Variants in TACC2 observed in about 807,000 individuals in gnomAD.
The protein encoded by TACC2 is transforming acidic coiled-coil containing protein 2.
TACC2 carries 137 observed loss-of-function variants against 227.3 expected under a neutral mutation model. That is an observed-to-expected ratio of 0.60 (90% CI 0.52 to 0.69). The LOEUF (loss-of-function observed/expected upper bound fraction) is 0.69, where lower values mean the gene tolerates loss of function less well. Among genes scored for constraint, TACC2 ranks in the 30% least tolerant of loss-of-function variants. The pLI, the probability that TACC2 is intolerant of heterozygous loss-of-function variation, is 0.00. For synonymous variants in TACC2, 1,523 were observed against 1,487.5 expected, an observed-to-expected ratio of 1.02 and a Z score of -0.55; for missense variants, 3,470 against 3,694.4, an observed-to-expected ratio of 0.94 and a Z score of 1.57.
intron 5 of TACC2, among the ~76,000 whole-genome samples, chr10:122,092,965 G>A (rs767445354): frequency 6.6e-6 from 1 of 152,162 alleles, no homozygotes; most frequent in Non-Finnish European, 1.5e-5. Flanking sequence ...GTTAGTGGAA[G>A]GTCTAGAATT....
intron 11 of TACC2, 165 bp downstream of exon 11, chr10:122,216,993 A>G: frequency 7.1e-7 from 1 of 1,404,568 alleles, no homozygotes; most frequent in Non-Finnish European, 9.5e-7. Flanking sequence ...GCTGTGTTTG[A>G]AAACAGCCTG....
intron 20 of TACC2, 99 bp downstream of exon 20, chr10:122,248,902 C>T: frequency 1.3e-6 from 2 of 1,550,060 alleles, no homozygotes; most frequent in Non-Finnish European, 1.8e-6. Flanking sequence ...GGTCTTGAGC[C>T]ACCTGCGAGG....
intron 7 of TACC2, among the ~76,000 whole-genome samples, chr10:122,169,385 C>T (rs531963474): frequency 6.6e-6 from 1 of 152,168 alleles, no homozygotes; most frequent in Non-Finnish European, 1.5e-5. Flanking sequence ...ACTGAGTCCT[C>T]TGGATGGTTT....
chr10:122,249,589 G>GCAAGCCGCCCAC lies in TACC2; in HGVS notation c.8709_8720dup (p.Ala2905_Ala2908dup). 6.2e-7 allele frequency: 1 copy of GCAAGCCGCCCAC among 1,614,164 alleles called. No homozygotes were observed. The highest frequency in any genetic ancestry group is 8.5e-7 in the Non-Finnish European group (1 of 1,180,036). ...AGGTTCGAGGCAAGGCCCAGCAGGA[G>GCAAGCCGCCCAC]CAAGCCGCCCACCAGGCCAGCCTGC... is the stretch of plus-strand genomic sequence containing the variant. On this transcript the variant is annotated inframe_insertion, in exon 22 of 23. Transcript: ENST00000369005.
intron 7 of TACC2, among the ~76,000 whole-genome samples, chr10:122,190,813 G>C (rs979909357): frequency 4.6e-5 from 7 of 152,130 alleles, no homozygotes; most frequent in African/African-American, 1.7e-4. Flanking sequence ...CCCAGTGTCA[G>C]GTTTTTGAGT....
intron 2 of TACC2, among the ~76,000 whole-genome samples, chr10:122,038,810 GA>G (rs562786492): frequency 2.6e-5 from 4 of 151,664 alleles, no homozygotes; most frequent in South Asian, 2.1e-4. Context: ...AGAGAGAAAA[GA>G]AAAAAAATAA....
chr10:122,158,007 C>T (rs780106026), intron 7 of TACC2, among the ~76,000 whole-genome samples: 42 of 150,486 alleles, frequency 2.8e-4, no homozygotes, highest in Non-Finnish European at 5.6e-4. Context: ...GGGGACTGGC[C>T]TTCCTCCCTC....
chr10:122,151,121 C>G (rs959422096), intron 7 of TACC2, among the ~76,000 whole-genome samples: 1 of 152,160 alleles, frequency 6.6e-6, no homozygotes, highest in African/African-American at 2.4e-5. Flanking sequence ...ACATTCCCCC[C>G]ACTCCAACTC....
chr10:122,249,591 A>G lies in TACC2; in HGVS notation c.8708A>G (p.Gln2903Arg). The change falls in exon 22 of 23, where the codon CAA (glutamine) becomes CGA (arginine). Residue 2903 changes from glutamine (Q) to arginine (R), a missense_variant. Transcript: ENST00000369005. ...AQVRGKAQQE[Q>R]AAHQASLRKE... ...GTTCGAGGCAAGGCCCAGCAGGAGC[A>G]AGCCGCCCACCAGGCCAGCCTGCGG... 1 of 1,614,180 alleles carries G rather than the reference A, an allele frequency of 6.2e-7. No individual in the cohort carries two copies. The highest frequency in any genetic ancestry group is 8.5e-7 in the Non-Finnish European group (1 of 1,180,044).
At chr10:122,213,317 CT>C in intron 9 of TACC2, 1 of 1,609,566 alleles carries the variant, frequency 6.2e-7, no homozygotes, top group Non-Finnish European at 8.5e-7. Context: ...GTCTGTCTCT[CT>C]TTTTCTTTGT....
chr10:122,174,338 G>A (rs2093611339), intron 7 of TACC2, among the ~76,000 whole-genome samples: 1 of 152,206 alleles, frequency 6.6e-6, no homozygotes, highest in Non-Finnish European at 1.5e-5. Flanking sequence ...CAGAAAAATA[G>A]CTAGTGGGCA....
Position 122,093,388 on chromosome 10 carries a change from G to A in TACC2, c.5573+4797G>A, listed in dbSNP as rs866124955. Among the ~76,000 whole-genome samples the A allele has an allele frequency of 3.3e-5, 5 of 152,058 alleles. No individual in the cohort carries two copies. In the East Asian group the frequency reaches 7.7e-4, roughly 23 times the overall value. On this transcript the variant is annotated intron_variant, in intron 5 of 22. Transcript: ENST00000369005. ...TGTTTCTTCCTTTTCCCTCCACTCCGTTCTAAAATTACCAGCTGTGACACC... is the reference window on the plus strand; with the variant it reads ...TGTTTCTTCCTTTTCCCTCCACTCCATTCTAAAATTACCAGCTGTGACACC...
intron 1 of TACC2, among the ~76,000 whole-genome samples, chr10:122,002,700 T>C (rs1404285394): frequency 6.6e-6 from 1 of 152,218 alleles, no homozygotes; most frequent in African/African-American, 2.4e-5. Context: ...TTTAGTGGTG[T>C]CATTTCTGGC....
At chr10:122,080,097 G>A (rs1308800637) in intron 3 of TACC2, among the ~76,000 whole-genome samples, 2 of 152,154 alleles carry the variant, frequency 1.3e-5, no homozygotes, top group African/African-American at 4.8e-5. Context: ...CAGGGTGCTG[G>A]TGGAGTTGGT....
chr10:122,064,651 T>C (rs565747178), intron 3 of TACC2, among the ~76,000 whole-genome samples: 1 of 152,342 alleles, frequency 6.6e-6, no homozygotes, highest in South Asian at 2.1e-4. Context: ...TGTTGTACAT[T>C]CTGATGAATT....
At chr10:122,147,674 G>T (rs2091548074) in intron 7 of TACC2, among the ~76,000 whole-genome samples, 1 of 152,112 alleles carries the variant, frequency 6.6e-6, no homozygotes, top group African/African-American at 2.4e-5. Context: ...TATTCTTTGG[G>T]TTATAACCCA....
intron 7 of TACC2, among the ~76,000 whole-genome samples, chr10:122,151,761 A>T (rs1012642233): frequency 6.6e-6 from 1 of 152,190 alleles, no homozygotes; most frequent in Non-Finnish European, 1.5e-5. Context: ...CCTGAACTAA[A>T]GCAGTGGCCG....
At chr10:122,122,739 A>G (rs568350660) in intron 5 of TACC2, among the ~76,000 whole-genome samples, 1 of 152,204 alleles carries the variant, frequency 6.6e-6, no homozygotes, top group South Asian at 2.1e-4. Flanking sequence ...TCGCCCTCTT[A>G]AGGGGAGGGG....
At chr10:122,104,855 T>C (rs1248303049) in intron 5 of TACC2, among the ~76,000 whole-genome samples, 1 of 152,224 alleles carries the variant, frequency 6.6e-6, no homozygotes, top group Non-Finnish European at 1.5e-5. Flanking sequence ...TTCTGGAACA[T>C]CTCCCCTTAC....
Sources: gnomAD v4.1 joint callset for allele counts (sites outside exome capture counted in the v4.1 genomes callset) on GRCh38, gnomAD v4.1.1 for gene constraint, MANE v1.5 for transcripts, NCBI Gene and HGNC (gene_info 2026-07-23, HGNC 2026-07-21) for gene names.